The following DNER variants were observed in gnomAD, a reference collection of about 807,000 sequenced individuals.
DNER encodes delta and Notch-like epidermal growth factor-related receptor.
DNER carries 33 observed loss-of-function variants against 78.2 expected under a neutral mutation model. The observed-to-expected ratio is 0.42, with a 90% CI of 0.32 to 0.56. The LOEUF is 0.56. Ranked by LOEUF, DNER falls within the 20% of genes least tolerant of loss-of-function variation. The pLI is 0.11. For missense variants in DNER, 918 were observed against 975.3 expected (o/e 0.94, Z 0.78); for synonymous variants, 417 against 384.8 (o/e 1.08, Z -0.98).
chr2:229,706,690 A>C (rs1035104503), intron 1 of DNER, among the ~76,000 whole-genome samples: 2 of 152,170 alleles, frequency 1.3e-5, no homozygotes, highest in African/African-American at 4.8e-5. Context: ...TGCTCAAAAC[A>C]ACCTTATCCT....
chr2:229,555,666 G>T (rs531723405), intron 4 of DNER, among the ~76,000 whole-genome samples: 1 of 152,220 alleles, frequency 6.6e-6, no homozygotes, highest in South Asian at 2.1e-4. Flanking sequence ...CAAGATACAG[G>T]TACATTAATA....
intron 1 of DNER, among the ~76,000 whole-genome samples, chr2:229,661,907 C>T (rs1244650229): frequency 1.3e-5 from 2 of 152,170 alleles, no homozygotes; most frequent in East Asian, 3.9e-4. Flanking sequence ...AGCTCCATGG[C>T]TGCATTCTCT....
chr2:229,477,093 G>T, intron 7 of DNER, 47 bp downstream of exon 7: 1 of 1,449,862 alleles, frequency 6.9e-7, no homozygotes, highest in Non-Finnish European at 9.6e-7. Context: ...ATTAGTTTAT[G>T]ATTTAAAATG....
intron 1 of DNER, among the ~76,000 whole-genome samples, chr2:229,698,400 G>A (rs1384322314): frequency 3.3e-5 from 5 of 152,106 alleles, no homozygotes; most frequent in Admixed American, 6.5e-5. Context: ...ACATACTACC[G>A]GGAAAGATCT....
chr2:229,510,409 C>T (rs73998258), intron 6 of DNER, among the ~76,000 whole-genome samples: 7,316 of 152,274 alleles, frequency 0.048, 547 homozygotes, highest in African/African-American at 0.16. Context: ...CTCTAGTGTG[C>T]AGCAGGGTCA....
At chr2:229,374,018 A>C (rs1295159450) in intron 11 of DNER, among the ~76,000 whole-genome samples, 1 of 152,282 alleles carries the variant, frequency 6.6e-6, no homozygotes, top group Non-Finnish European at 1.5e-5. Context: ...ATACAAAAAA[A>C]GTAGCCAGGT....
intron 6 of DNER, among the ~76,000 whole-genome samples, chr2:229,498,956 C>T (rs748483190): frequency 6.6e-6 from 1 of 152,064 alleles, no homozygotes; most frequent in Admixed American, 6.5e-5. Context: ...TAGCTAAAAT[C>T]AATCTTGAGT....
intron 7 of DNER, among the ~76,000 whole-genome samples, chr2:229,453,064 A>G (rs189003806): frequency 7.2e-4 from 109 of 152,352 alleles, no homozygotes; most frequent in Middle Eastern, 3.4e-3. Context: ...TTTAAACACC[A>G]TCTCAGCCCA....
chr2:229,430,241 G>A (rs2106354666), intron 8 of DNER, among the ~76,000 whole-genome samples: 1 of 152,290 alleles, frequency 6.6e-6, no homozygotes, highest in South Asian at 2.1e-4. Context: ...TCCATTAACA[G>A]AGATATGTTA....
At chr2:229,605,558 C>G (rs1321393326) in intron 1 of DNER, among the ~76,000 whole-genome samples, 1 of 152,310 alleles carries the variant, frequency 6.6e-6, no homozygotes, top group African/African-American at 2.4e-5. Flanking sequence ...AATGGCTTTT[C>G]AAGCTAACAA....
At chr2:229,559,268 G>A (rs896251590) in intron 4 of DNER, among the ~76,000 whole-genome samples, 1 of 152,070 alleles carries the variant, frequency 6.6e-6, no homozygotes, top group Non-Finnish European at 1.5e-5. Context: ...ATCTGAATAC[G>A]GATGGTATTA....
intron 9 of DNER, among the ~76,000 whole-genome samples, chr2:229,409,885 A>G (rs976130370): frequency 2.0e-5 from 3 of 152,190 alleles, no homozygotes; most frequent in African/African-American, 7.2e-5. Flanking sequence ...TATTTGTCAT[A>G]TTGCTCAGCT....
intron 4 of DNER, among the ~76,000 whole-genome samples, chr2:229,552,895 T>C (rs943719909): frequency 6.6e-6 from 1 of 152,124 alleles, no homozygotes; most frequent in Non-Finnish European, 1.5e-5. Context: ...TTCTCCTTTG[T>C]CTGGCCAGAG....
intron 4 of DNER, chr2:229,580,312 T>G (rs13429440): frequency 6.6e-6 from 1 of 152,136 alleles, no homozygotes; most frequent in African/African-American, 2.4e-5. Context: ...AGCCATGGGT[T>G]GTACCATTCA....
intron 1 of DNER, among the ~76,000 whole-genome samples, chr2:229,700,010 A>T (rs1270236903): frequency 6.6e-6 from 1 of 152,128 alleles, no homozygotes; most frequent in Non-Finnish European, 1.5e-5. Context: ...TTACGAATCA[A>T]TGTGGGGAAA....
chr2:229,538,071 G>A (rs1271288902), intron 5 of DNER, among the ~76,000 whole-genome samples: 1 of 152,046 alleles, frequency 6.6e-6, no homozygotes, highest in Non-Finnish European at 1.5e-5. Context: ...TTAAAAAAAA[G>A]CAACAGCTGG....
chr2:229,574,059 C>T (rs765527850), intron 4 of DNER, among the ~76,000 whole-genome samples: 1 of 152,118 alleles, frequency 6.6e-6, no homozygotes, highest in African/African-American at 2.4e-5. Context: ...AAAAAGTACA[C>T]GTAAATTTCA....
At chr2:229,621,728 G>A (rs1184107971) in intron 1 of DNER, among the ~76,000 whole-genome samples, 1 of 152,154 alleles carries the variant, frequency 6.6e-6, no homozygotes, top group Non-Finnish European at 1.5e-5. Flanking sequence ...CCTTTGTTTG[G>A]TTTTTCTTAC....
chr2:229,405,455 T>A (rs1693359650), intron 10 of DNER, among the ~76,000 whole-genome samples: 1 of 152,144 alleles, frequency 6.6e-6, no homozygotes, highest in East Asian at 1.9e-4. Flanking sequence ...ACAAGAAGAT[T>A]CCTTGTAATG....
Sources: allele counts gnomAD v4.1 joint callset (sites outside exome capture counted in the v4.1 genomes callset), GRCh38; gene constraint gnomAD v4.1.1; transcripts MANE v1.5; gene names NCBI Gene and HGNC (gene_info 2026-07-23, HGNC 2026-07-21).